STAB2: variants seen among roughly 807,000 people sequenced by gnomAD.
STAB2 encodes stabilin-2.
STAB2 carries 288 observed loss-of-function variants against 338.1 expected under a neutral mutation model. The observed-to-expected ratio is 0.85, with a 90% CI of 0.77 to 0.94. STAB2 has a LOEUF of 0.94. Among genes scored for constraint, STAB2 ranks in the 40% least tolerant of loss-of-function variants. STAB2 has a pLI of 0.00. For synonymous variants in STAB2, 1,202 were observed against 1,193.3 expected (o/e 1.01, Z -0.15); for missense variants, 3,141 against 3,210.1 (o/e 0.98, Z 0.52).
At chr12:103,703,681 T>TA (rs1879099995) in intron 35 of STAB2, among the ~76,000 whole-genome samples, 1 of 152,236 alleles carries the variant, frequency 6.6e-6, no homozygotes, top group Non-Finnish European at 1.5e-5. Context: ...AAGCCTGCTC[T>TA]ACCAGTAGAG....
chr12:103,717,380 A>G lies in STAB2; in HGVS notation c.4612-390A>G, dbSNP rs574189910. 5.9e-5 allele frequency among the ~76,000 whole-genome samples: 9 copies of G among 152,306 alleles called. No individual in the cohort carries two copies. The East Asian group carries it at 1.5e-3, about 26-fold the overall frequency. ...TAGCACTGGTGCCTTTCAGCTCAGC[A>G]TGGGCGCAGATGAGCAAGATATGAG... On this transcript the variant is annotated intron_variant, in intron 43 of 68. Transcript: ENST00000388887.
At chr12:103,713,177 G>T (rs1435319760) in intron 41 of STAB2, among the ~76,000 whole-genome samples, 1 of 152,210 alleles carries the variant, frequency 6.6e-6, no homozygotes, top group Non-Finnish European at 1.5e-5. Flanking sequence ...ATTAATACCT[G>T]TGAAGTGCTT....
At chr12:103,742,302 C>A in intron 55 of STAB2, 103 bp from the exon 56 acceptor site, 1 of 1,478,152 alleles carries the variant, frequency 6.8e-7, no homozygotes, top group East Asian at 2.3e-5. Flanking sequence ...GGCGATGGTC[C>A]CTCTGGGCTA....
intron 49 of STAB2, 150 bp from the exon 50 acceptor site, chr12:103,731,426 G>GGTGCGT: frequency 1.4e-6 from 1 of 690,116 alleles, no homozygotes; most frequent in Non-Finnish European, 2.4e-6. Flanking sequence ...AGAAAAGCGT[G>GGTGCGT]GTCAGAAGAG....
chr12:103,692,828 G>A lies in STAB2; in HGVS notation c.3314G>A (p.Gly1105Glu). The change falls in exon 31 of 69, where the codon GGG becomes GAG. Residue 1105 changes from glycine to glutamate, a missense_variant. Transcript: ENST00000388887. ...CATTTACAGAATATCACAATTGAAG[G>A]GGCCTCCATTGTCGATGGGGACAAC... ...AKVDGNITIE[G>E]ASIVDGDNAA... is the part of the protein sequence containing the mutation. The A allele has an allele frequency of 6.2e-7, 1 of 1,613,492 alleles. No individual in the cohort carries two copies. The highest frequency in any genetic ancestry group is 8.5e-7 in the Non-Finnish European group (1 of 1,179,606).
At chr12:103,691,754 C>G (rs1877956365) in intron 30 of STAB2, among the ~76,000 whole-genome samples, 1 of 152,266 alleles carries the variant, frequency 6.6e-6, no homozygotes, top group South Asian at 2.1e-4. Context: ...ATAAATATCT[C>G]CTGCCAGGAG....
intron 3 of STAB2, among the ~76,000 whole-genome samples, chr12:103,600,619 A>T (rs1956939767): frequency 6.6e-6 from 1 of 152,212 alleles, no homozygotes; most frequent in Non-Finnish European, 1.5e-5. Context: ...AGGGAGACAC[A>T]AACATTCAGG....
chr12:103,711,375 C>G, intron 39 of STAB2, 96 bp from the exon 40 acceptor site: 1 of 1,517,530 alleles, frequency 6.6e-7, no homozygotes, highest in Non-Finnish European at 9.1e-7. Flanking sequence ...ATACATATCA[C>G]TTCCAAAGAA....
rs749231249 is a variant in STAB2, at chr12:103,746,630, C to T, written c.6170C>T (p.Ala2057Val). 4.3e-6 allele frequency: 7 copies of T among 1,613,986 alleles called. No individual in the cohort carries two copies. The African/African-American group carries it at 5.3e-5, about 12-fold the overall frequency. ...GCAGTGTGTACGCCTCCTTGTTCTG[C>T]TCATGCCACCTGTAAGGAGAACAAC... ...LPAVCTPPCS[A>V]HATCKENNTC... Residue 2057 changes from alanine (A) to valine (V), a missense_variant, in exon 58 of 69, where the codon GCT becomes GTT. Ala to Val is a moderately conservative substitution (Grantham distance 64). Coordinates refer to ENST00000388887, the MANE Select transcript of STAB2 (RefSeq NM_017564.10).
chr12:103,729,813 G>A (rs1208215366), intron 48 of STAB2, among the ~76,000 whole-genome samples: 1 of 152,206 alleles, frequency 6.6e-6, no homozygotes, highest in Non-Finnish European at 1.5e-5. Context: ...GCCAGGGGAG[G>A]AGGTATAGAA....
intron 44 of STAB2, 101 bp downstream of exon 44, chr12:103,717,942 A>T: frequency 8.6e-7 from 1 of 1,166,984 alleles, no homozygotes; most frequent in Non-Finnish European, 1.3e-6. Flanking sequence ...CTTCCTCTGG[A>T]GGCCTCAGAG....
intron 63 of STAB2, 180 bp from the exon 64 acceptor site, chr12:103,757,990 A>G: frequency 1.2e-6 from 1 of 844,612 alleles, no homozygotes; most frequent in Non-Finnish European, 1.8e-6. Context: ...TTCACTGAGG[A>G]AAGGAAAAGT....
At chr12:103,739,793 T>G (rs888125285) in intron 54 of STAB2, among the ~76,000 whole-genome samples, 1 of 152,196 alleles carries the variant, frequency 6.6e-6, no homozygotes, top group Non-Finnish European at 1.5e-5. Context: ...CCAGGCTCTG[T>G]GCTGAGCCTT....
intron 18 of STAB2, among the ~76,000 whole-genome samples, chr12:103,666,063 G>A (rs1184808899): frequency 1.3e-5 from 2 of 152,184 alleles, no homozygotes; most frequent in African/African-American, 2.4e-5. Context: ...CTCTGAGCAG[G>A]CTCAGTTTTC....
rs775346260 is a variant in STAB2, at chr12:103,728,861, G to A, written c.4948G>A (p.Asp1650Asn). Residue 1650 changes from aspartate (D) to asparagine (N), a missense_variant, in exon 48 of 69, where the codon GAC becomes AAC. By Grantham distance (23) the Asp-to-Asn change is conservative. Coordinates refer to ENST00000388887, the MANE Select transcript of STAB2 (RefSeq NM_017564.10). ...FDEEARVKDW[D>N]KYGLMPQVLR... ...TCTTCTGTTACAGGTTAAAGACTGG[G>A]ACAAATACGGTTTAATGCCCCAGGT... The A allele has an allele frequency of 1.2e-6, 2 of 1,613,978 alleles. No homozygotes were observed. Among genetic ancestry groups the A allele is most frequent in the Non-Finnish European group, 1.7e-6 (2 of 1,179,860 alleles).
rs748966681 is a variant in STAB2 at position 103,750,732 on chromosome 12, C to T, written c.6580+12C>T. 1 of 1,608,162 alleles carries T rather than the reference C, an allele frequency of 6.2e-7. No individual in the cohort carries two copies. The highest frequency in any genetic ancestry group is 1.1e-5 in the South Asian group (1 of 90,762). On this transcript the variant is annotated intron_variant, in intron 60 of 68. Transcript: ENST00000388887. The stretch of plus-strand genomic sequence containing the variant: ...CCTCCACTTCCAGGGTTAGTGTGAC[C>T]AGGGCCTATGGCCCAAAGCACCCTC...
chr12:103,726,308 GC>G lies in STAB2; in HGVS notation c.4851+146del, dbSNP rs899781674. ...GTTCGAGACCAGTCTGGGGAACATG[GC>G]AAAACCCCGTCTCTTTTAAAAATAC... is the stretch of plus-strand genomic sequence containing the variant. On this transcript the variant is annotated intron_variant, in intron 46 of 68. Coordinates refer to ENST00000388887, the MANE Select transcript of STAB2 (RefSeq NM_017564.10). 68 of 708,512 alleles carry G rather than the reference GC, an allele frequency of 9.6e-5. 1 individual carries two copies. The highest frequency in any genetic ancestry group is 6.7e-4 in the South Asian group (37 of 55,110). 43.9% of individuals were successfully genotyped at this position (708,512 alleles called of 1,614,324 possible). A position where few individuals can be genotyped will look rare whatever the true frequency, so the allele number is the denominator to read the frequency against.
intron 38 of STAB2, among the ~76,000 whole-genome samples, 181 bp from the exon 39 acceptor site, chr12:103,708,260 A>G (rs1361405481): frequency 6.6e-6 from 1 of 152,202 alleles, no homozygotes; most frequent in Non-Finnish European, 1.5e-5. Flanking sequence ...TCACCTGTGA[A>G]CTTGCTAGAT....
At chr12:103,712,229 C>T (rs1486743010) in intron 40 of STAB2, 138 bp from the exon 41 acceptor site, 8 of 735,452 alleles carry the variant, frequency 1.1e-5, no homozygotes, top group Non-Finnish European at 1.8e-5. Flanking sequence ...TTAGACTCTT[C>T]TCCCAAGCCT....
Sources: gnomAD v4.1 joint callset for allele counts (sites outside exome capture counted in the v4.1 genomes callset) on GRCh38, gnomAD v4.1.1 for gene constraint, MANE v1.5 for transcripts, NCBI Gene and HGNC (gene_info 2026-07-23, HGNC 2026-07-21) for gene names.